Variants in PLCG1 observed in about 807,000 individuals in gnomAD.
PLCG1 encodes the protein 1-phosphatidylinositol 4,5-bisphosphate phosphodiesterase gamma-1.
A neutral mutation model predicts 177.8 loss-of-function variants in PLCG1; 71 were observed. The ratio of observed to expected loss-of-function variants is 0.40; its 90% CI spans 0.33 to 0.49. The LOEUF is 0.49. Among genes scored for constraint, PLCG1 ranks in the 20% least tolerant of loss-of-function variants. PLCG1 has a pLI of 0.72. For synonymous variants in PLCG1, 658 were observed against 647.9 expected (o/e 1.02, Z -0.24); for missense variants, 1,281 against 1,709.0 (o/e 0.75, Z 4.42).
At chr20:41,168,694 T>TGC (rs1348277955) in intron 20 of PLCG1, 73 bp from the exon 21 acceptor site, 1 of 873,426 alleles carries the variant, frequency 1.1e-6, no homozygotes, top group Non-Finnish European at 1.9e-6. Context: ...CATGTGTGTG[T>TGC]GCACATGAAG....
At position 41,151,468 on chromosome 20, in the gene PLCG1, C is replaced by G. The variant is rs2035164911; in HGVS notation, c.218-8138C>G. Among the ~76,000 whole-genome samples the G allele has an allele frequency of 6.6e-6, 1 of 152,226 alleles. No individual in the cohort carries two copies. The highest frequency in any genetic ancestry group is 2.4e-5 in the African/African-American group (1 of 41,458). On this transcript the variant is annotated intron_variant, in intron 1 of 31. Transcript: ENST00000685551. This position sits in a 1 kb window ranked among gnomAD's most constrained non-coding sequence, Gnocchi z 5.5. ...ACAGTAAGCCCCACCATCGCCTTCCCTTTGCCATATAACCCTGTGACCTCA... is the reference window on the plus strand; with the variant it reads ...ACAGTAAGCCCCACCATCGCCTTCCGTTTGCCATATAACCCTGTGACCTCA...
At position 41,160,039 on chromosome 20, in the gene PLCG1, G is replaced by A; in HGVS notation, c.465-67G>A. The A allele has an allele frequency of 6.2e-7, 1 of 1,600,206 alleles. No homozygotes were observed. ...GGACAGGGACAGCAGACCTTTGTGT[G>A]CCCAGACATCTCCCAGGCCTGACTG... On this transcript the variant is annotated intron_variant, in intron 3 of 31. Coordinates refer to ENST00000685551, the MANE Select transcript of PLCG1 (RefSeq NM_002660.3). The surrounding 1 kb of genome is among the most constrained non-coding windows in gnomAD (Gnocchi z 5.5).
chr20:41,175,317 A>G lies in PLCG1; in HGVS notation c.*808A>G, dbSNP rs970829801. 2.6e-5 allele frequency: 4 copies of G among 152,174 alleles called. No individual in the cohort carries two copies. Among genetic ancestry groups the G allele is most frequent in the African/African-American group, 9.7e-5 (4 of 41,424 alleles). The allele number at this position is 152,174 out of a possible 1,614,324, so 9.4% of individuals were successfully genotyped here. A position where few individuals can be genotyped will look rare whatever the true frequency, so the allele number is the denominator to read the frequency against. ...GAATGGGGGGCGGGCCAGGGTGGGA[A>G]GAGAAGAAATAGCAGAGCCTATTTT... On this transcript the variant is annotated 3_prime_UTR_variant, in exon 32 of 32. Coordinates refer to ENST00000685551, the MANE Select transcript of PLCG1 (RefSeq NM_002660.3).
chr20:41,166,808 G>T lies in PLCG1; in HGVS notation c.2250G>T (p.Met750Ile). 1 of 1,614,188 alleles carries T rather than the reference G, an allele frequency of 6.2e-7. No individual in the cohort carries two copies. The highest frequency in any genetic ancestry group is 8.5e-7 in the Non-Finnish European group (1 of 1,180,046). ...AGAAACACCCGCTATACCGCAAGAT[G>T]AAGCTGCGCTATCCCATCAACGAGG... ...YYEKHPLYRKMKLRYPINEEA... is the reference protein window; with the variant it reads ...YYEKHPLYRKIKLRYPINEEA... Residue 750 changes from methionine (M) to isoleucine (I), a missense_variant, in exon 19 of 32, where the codon ATG becomes ATT. Around this residue, in one of 4 missense-constraint regions of PLCG1, gnomAD observed 723 missense variants for 1,030.0 expected, o/e 0.70. Coordinates refer to ENST00000685551, the MANE Select transcript of PLCG1 (RefSeq NM_002660.3). This position sits in a 1 kb window ranked among gnomAD's most constrained non-coding sequence, Gnocchi z 8.6.
intron 1 of PLCG1, among the ~76,000 whole-genome samples, chr20:41,140,974 G>C (rs1278211321): frequency 6.6e-6 from 1 of 152,182 alleles, no homozygotes; most frequent in African/African-American, 2.4e-5. Context: ...TGGTCCACGT[G>C]GCTCCTCTGT....
At position 41,176,561 on chromosome 20, in the gene PLCG1, T is replaced by C. The variant is rs531996753; in HGVS notation, c.*2052T>C. ...TTTAGTTTTCATCAATACGTATCTC[T>C]ATTTGCTGAACAAGTGTCTTTCTGG... On this transcript the variant is annotated 3_prime_UTR_variant, in exon 32 of 32. Coordinates refer to ENST00000685551, the MANE Select transcript of PLCG1 (RefSeq NM_002660.3). The C allele has an allele frequency of 2.5e-4, 38 of 152,384 alleles. No homozygotes were observed. The highest frequency in any genetic ancestry group is 6.5e-4 in the African/African-American group (27 of 41,588). 9.4% of individuals were successfully genotyped at this position (152,384 alleles called of 1,614,324 possible).
chr20:41,168,481 G>A (rs1051665928), intron 20 of PLCG1, among the ~76,000 whole-genome samples: 8 of 152,236 alleles, frequency 5.3e-5, no homozygotes, highest in Admixed American at 2.0e-4. Context: ...TCCTGGGAGC[G>A]GATTCAAGGT....
In PLCG1 at chr20:41,167,450, G is replaced by A. The variant is rs2035737766; in HGVS notation, c.2302-402G>A. Among the ~76,000 whole-genome samples, 1 of 152,178 alleles carries A rather than the reference G, an allele frequency of 6.6e-6. No individual in the cohort carries two copies. The highest frequency in any genetic ancestry group is 2.1e-4 in the South Asian group (1 of 4,828). On this transcript the variant is annotated intron_variant, in intron 19 of 31. Coordinates refer to ENST00000685551, the MANE Select transcript of PLCG1 (RefSeq NM_002660.3). The surrounding 1 kb of genome is among the most constrained non-coding windows in gnomAD (Gnocchi z 4.4). ...ACTGGCACCTGGGACTCAAGTGATG[G>A]AGAGGAGCGGCAGGAGGAATGTGGG...
rs1432599234 is a variant in PLCG1, at chr20:41,147,632, C to T, written c.217+9774C>T. ...TTGGGAGGCCAAGGTAGGGGGATCA[C>T]GAGGTCAGGAGTTCAAGACCAGCCT... On this transcript the variant is annotated intron_variant, in intron 1 of 31. Transcript: ENST00000685551. This position sits in a 1 kb window ranked among gnomAD's most constrained non-coding sequence, Gnocchi z 4.0. Among the ~76,000 whole-genome samples, 2 of 152,100 alleles carry T rather than the reference C, an allele frequency of 1.3e-5. No homozygotes were observed. The highest frequency in any genetic ancestry group is 2.4e-5 in the African/African-American group (1 of 41,402).
chr20:41,169,225 C>G (rs1485402574), intron 22 of PLCG1, 50 bp downstream of exon 22: 1 of 1,335,192 alleles, frequency 7.5e-7, no homozygotes, highest in Non-Finnish European at 1.1e-6. Flanking sequence ...CCAGATTCTC[C>G]TTGGCATGCC....
At position 41,165,446 on chromosome 20, in the gene PLCG1, C is replaced by A; in HGVS notation, c.1510-4C>A. 1 of 1,613,934 alleles carries A rather than the reference C, an allele frequency of 6.2e-7. No homozygotes were observed. The highest frequency in any genetic ancestry group is 8.5e-7 in the Non-Finnish European group (1 of 1,179,854). The stretch of plus-strand genomic sequence containing the variant: ...CTCACAAGTCCCTCTTTGGTCTGTT[C>A]CAGGAATGGTATCCCCACTACTTTG... On this transcript the variant is annotated splice_region_variant and splice_polypyrimidine_tract_variant and intron_variant, in intron 14 of 31. Coordinates refer to ENST00000685551, the MANE Select transcript of PLCG1 (RefSeq NM_002660.3). The surrounding 1 kb of genome is among the most constrained non-coding windows in gnomAD (Gnocchi z 6.6).
Position 41,173,555 on chromosome 20 carries a change from ATCC to A in PLCG1, c.3394+27_3394+29del, listed in dbSNP as rs781749594. 4.3e-5 allele frequency: 70 copies of A among 1,613,754 alleles called. No homozygotes were observed. Among genetic ancestry groups the A allele is most frequent in the Non-Finnish European group, 5.2e-5 (61 of 1,179,952 alleles). On this transcript the variant is annotated intron_variant, in intron 28 of 31. Coordinates refer to ENST00000685551, the MANE Select transcript of PLCG1 (RefSeq NM_002660.3). This position sits in a 1 kb window ranked among gnomAD's most constrained non-coding sequence, Gnocchi z 6.2. ...TGTGGGTCAGTCTGTCTTCCCAGTC[ATCC>A]TCCTCATCCTGCTGGGGCACTGCAA...
chr20:41,163,273 G>C lies in PLCG1; in HGVS notation c.787G>C (p.Gly263Arg), dbSNP rs780081401. Residue 263 changes from glycine to arginine, a missense_variant and splice_region_variant, in exon 8 of 32, where the codon GGG (glycine) becomes CGG (arginine). Coordinates refer to ENST00000685551, the MANE Select transcript of PLCG1 (RefSeq NM_002660.3). This position sits in a 1 kb window ranked among gnomAD's most constrained non-coding sequence, Gnocchi z 5.2. ...CCAGCAGTTCCTTCTTGACTACCAG[G>C]GGGTATGGCTGGGCTGACATTGGCC... is the stretch of plus-strand genomic sequence containing the variant. The part of the protein sequence containing the change: ...EFQQFLLDYQ[G>R]ELWAVDRLQV... 1 of 1,568,554 alleles carries C rather than the reference G, an allele frequency of 6.4e-7. No individual in the cohort carries two copies. The highest frequency in any genetic ancestry group is 1.9e-5 in the Admixed American group (1 of 52,642).
In PLCG1 at chr20:41,175,694, CAAAT is replaced by C. The variant is rs2036046543; in HGVS notation, c.*1190_*1193del. 1 of 152,664 alleles carries C rather than the reference CAAAT, an allele frequency of 6.6e-6. No homozygotes were observed. The highest frequency in any genetic ancestry group is 2.4e-5 in the African/African-American group (1 of 41,460). The allele number at this position is 152,664 out of a possible 1,614,324, so 9.5% of individuals were successfully genotyped here. On this transcript the variant is annotated 3_prime_UTR_variant, in exon 32 of 32. Coordinates refer to ENST00000685551, the MANE Select transcript of PLCG1 (RefSeq NM_002660.3). ...TGCTGCCCTCTTAAGATCTGACTGC[CAAAT>C]AAATCATCCTCATGTCCTTTTTCCT...
chr20:41,155,957 G>C (rs1034469310), intron 1 of PLCG1, among the ~76,000 whole-genome samples: 31 of 152,194 alleles, frequency 2.0e-4, no homozygotes, highest in African/African-American at 7.2e-4. Flanking sequence ...CTGGGAAGGG[G>C]ATGGTCAGGG....
Position 41,169,179 on chromosome 20 carries a change from A to G in PLCG1, c.2580+4A>G. On this transcript the variant is annotated splice_donor_region_variant and intron_variant, in intron 22 of 31. Coordinates refer to ENST00000685551, the MANE Select transcript of PLCG1 (RefSeq NM_002660.3). ...GGCCCTGGAGCCGGAGAGGGAGGTA[A>G]GACCAGAACCACCTGAGTAACAGCA... is the stretch of plus-strand genomic sequence containing the variant. 1 of 1,592,078 alleles carries G rather than the reference A, an allele frequency of 6.3e-7. No homozygotes were observed. Among genetic ancestry groups the G allele is most frequent in the Non-Finnish European group, 8.6e-7 (1 of 1,159,850 alleles).
Position 41,144,976 on chromosome 20 carries a change from T to A in PLCG1, c.217+7118T>A, listed in dbSNP as rs554426345. On this transcript the variant is annotated intron_variant, in intron 1 of 31. Coordinates refer to ENST00000685551, the MANE Select transcript of PLCG1 (RefSeq NM_002660.3). The surrounding 1 kb of genome is among the most constrained non-coding windows in gnomAD (Gnocchi z 4.1). ...CATTTGCTAACTGTGCCAAGCACTG[T>A]GGAGACCAGTAGTGGACATAAGGTT... Among the ~76,000 whole-genome samples the A allele has an allele frequency of 1.2e-4, 19 of 152,286 alleles. No homozygotes were observed. Among genetic ancestry groups the A allele is most frequent in the Non-Finnish European group, 2.1e-4 (14 of 68,020 alleles).
At position 41,170,092 on chromosome 20, in the gene PLCG1, A is replaced by G. The variant is rs770633033; in HGVS notation, c.2651-20A>G. ...GGTGAGATGTCTATTCCCAGCTGTT[A>G]TCTGCTCTCGCCCTCCCAGCCATCC... On this transcript the variant is annotated intron_variant, in intron 23 of 31. Transcript: ENST00000685551. The G allele has an allele frequency of 6.3e-7, 1 of 1,595,256 alleles. No homozygotes were observed. Among genetic ancestry groups the G allele is most frequent in the Non-Finnish European group, 8.6e-7 (1 of 1,168,928 alleles).
chr20:41,168,942 G>A, intron 21 of PLCG1, 72 bp downstream of exon 21: 1 of 1,175,228 alleles, frequency 8.5e-7, no homozygotes, highest in Non-Finnish European at 1.3e-6. Flanking sequence ...ACATGCATTT[G>A]TGATGTGCTT....
Sources: gnomAD v4.1 joint callset for allele counts (sites outside exome capture counted in the v4.1 genomes callset) on GRCh38, gnomAD v4.1.1 for gene constraint, gnomAD v4.1.1 regional missense constraint, Gnocchi (gnomAD v3.1) non-coding constraint, MANE v1.5 for transcripts, NCBI Gene and HGNC (gene_info 2026-07-23, HGNC 2026-07-21) for gene names.